The following CARMIL1 variants were observed in gnomAD, a reference collection of about 807,000 sequenced individuals.
CARMIL1 encodes capping protein regulator and myosin 1 linker 1, also known as F-actin-uncapping protein LRRC16A.
CARMIL1 carries 90 observed loss-of-function variants against 177.1 expected under a neutral mutation model. The ratio of observed to expected loss-of-function variants is 0.51; its 90% CI spans 0.43 to 0.61. The LOEUF (loss-of-function observed/expected upper bound fraction) is 0.61. Among genes scored for constraint, CARMIL1 ranks in the 20% least tolerant of loss-of-function variants. CARMIL1 has a pLI of 0.00. For synonymous variants in CARMIL1, 577 were observed against 606.2 expected, an observed-to-expected ratio of 0.95 and a Z score of 0.71; for missense variants, 1,380 against 1,667.0, an observed-to-expected ratio of 0.83 and a Z score of 3.00.
intron 3 of CARMIL1, among the ~76,000 whole-genome samples, chr6:25,424,205 A>C (rs1796101552): frequency 6.6e-6 from 1 of 152,148 alleles, no homozygotes; most frequent in Admixed American, 6.5e-5. Context: ...TAGTTCTTTT[A>C]ACACCTCGAT....
At chr6:25,459,266 CTTTTT>C (rs769702901) in intron 8 of CARMIL1, among the ~76,000 whole-genome samples, 15 of 73,762 alleles carry the variant, frequency 2.0e-4, no homozygotes, top group South Asian at 1.3e-3. Context: ...TTCTTTCTTT[CTTTTT>C]TTTTTTTTTA....
intron 2 of CARMIL1, among the ~76,000 whole-genome samples, chr6:25,287,003 G>A (rs938606354): frequency 2.6e-5 from 4 of 152,152 alleles, no homozygotes; most frequent in African/African-American, 7.2e-5. Context: ...AAGCATGGCC[G>A]GAACTCATTG....
At chr6:25,327,368 C>T (rs534129426) in intron 2 of CARMIL1, among the ~76,000 whole-genome samples, 28 of 152,200 alleles carry the variant, frequency 1.8e-4, no homozygotes, top group African/African-American at 5.8e-4. Context: ...TATGATGAAG[C>T]GGAGATTTGT....
chr6:25,432,445 G>T (rs1048456882), intron 4 of CARMIL1, among the ~76,000 whole-genome samples: 1 of 152,152 alleles, frequency 6.6e-6, no homozygotes, highest in Non-Finnish European at 1.5e-5. Context: ...TTAGCGAAAT[G>T]TGACTTTTAC....
chr6:25,520,467 C>A lies in CARMIL1; in HGVS notation c.1968+130C>A. 1.0e-5 allele frequency: 6 copies of A among 586,092 alleles called. 1 individual carries two copies. The South Asian group carries it at 1.6e-4, about 16-fold the overall frequency. 36.3% of individuals were successfully genotyped at this position (586,092 alleles called of 1,614,324 possible). A position where few individuals can be genotyped will look rare whatever the true frequency, so the allele number is the denominator to read the frequency against. ...ATTTTATTTTATTTTTTCACATTGTCTTATGTTCTTATGACCACAACTGGG... is the reference window on the plus strand; with the variant it reads ...ATTTTATTTTATTTTTTCACATTGTATTATGTTCTTATGACCACAACTGGG... On this transcript the variant is annotated intron_variant, in intron 23 of 36. Transcript: ENST00000329474.
intron 28 of CARMIL1, 43 bp from the exon 29 acceptor site, chr6:25,556,658 C>G: frequency 3.2e-6 from 5 of 1,576,898 alleles, no homozygotes; most frequent in Non-Finnish European, 4.3e-6. Flanking sequence ...CCAGCACTTT[C>G]TCTGTACTTT....
At chr6:25,441,371 GTCTA>G (rs372883848) in intron 5 of CARMIL1, among the ~76,000 whole-genome samples, 5,718 of 122,128 alleles carry the variant, frequency 0.047, 157 homozygotes, top group Middle Eastern at 0.081. Context: ...GTGTGTGTGT[GTCTA>G]TGTGTGTGTG....
intron 2 of CARMIL1, among the ~76,000 whole-genome samples, chr6:25,337,986 C>T (rs777597224): frequency 1.3e-5 from 2 of 152,150 alleles, no homozygotes; most frequent in Non-Finnish European, 2.9e-5. Context: ...TAGGTTTTCC[C>T]TATCTTCCCC....
chr6:25,488,848 G>T, intron 13 of CARMIL1, among the ~76,000 whole-genome samples: 1 of 152,006 alleles, frequency 6.6e-6, no homozygotes, highest in East Asian at 1.9e-4. Context: ...TGCTGTTGAA[G>T]AATTTTTTTC....
chr6:25,337,673 A>G (rs1178809492), intron 2 of CARMIL1, among the ~76,000 whole-genome samples: 2 of 152,230 alleles, frequency 1.3e-5, no homozygotes, highest in Admixed American at 1.3e-4. Context: ...AGGCTCCTCA[A>G]GTGGAGTGAA....
chr6:25,384,537 C>T (rs939327766), intron 2 of CARMIL1, among the ~76,000 whole-genome samples: 1 of 152,216 alleles, frequency 6.6e-6, no homozygotes, highest in African/African-American at 2.4e-5. Context: ...TGCTCTGAGC[C>T]AGTCCCCTCC....
intron 2 of CARMIL1, among the ~76,000 whole-genome samples, chr6:25,295,369 A>G (rs1782301972): frequency 6.6e-6 from 1 of 152,314 alleles, no homozygotes; most frequent in East Asian, 1.9e-4. Context: ...TTATCTAACC[A>G]TGTCCCTTAT....
At chr6:25,457,782 TGA>T (rs1028282197) in intron 8 of CARMIL1, among the ~76,000 whole-genome samples, 21 of 152,344 alleles carry the variant, frequency 1.4e-4, no homozygotes, top group African/African-American at 4.8e-4. Flanking sequence ...ATAAGATTTG[TGA>T]GAGGGAAATC....
At chr6:25,296,586 T>C (rs974980500) in intron 2 of CARMIL1, among the ~76,000 whole-genome samples, 1 of 152,162 alleles carries the variant, frequency 6.6e-6, no homozygotes, top group African/African-American at 2.4e-5. Flanking sequence ...GCAAGGTTCT[T>C]TTAAGGCAAT....
Position 25,586,711 on chromosome 6 carries a change from G to A in CARMIL1, c.3006+5272G>A, listed in dbSNP as rs1465969735. On this transcript the variant is annotated intron_variant, in intron 31 of 36. Transcript: ENST00000329474. ...ACTCCGTCTGCAATCCCGGCACCTC[G>A]GGAGGCCGAGGCGGGCAGATCACTC... Among the ~76,000 whole-genome samples the A allele has an allele frequency of 5.9e-5, 9 of 152,170 alleles. No homozygotes were observed. In the East Asian group the frequency reaches 1.2e-3, roughly 20 times the overall value.
intron 2 of CARMIL1, among the ~76,000 whole-genome samples, chr6:25,330,715 G>A (rs978111096): frequency 2.0e-5 from 3 of 151,280 alleles, no homozygotes; most frequent in African/African-American, 7.3e-5. Flanking sequence ...GACAGATGAG[G>A]ATGGGATCTG....
At position 25,449,977 on chromosome 6, in the gene CARMIL1, G is replaced by A; in HGVS notation, c.451G>A (p.Ala151Thr). Residue 151 changes from alanine (A) to threonine (T), a missense_variant, in exon 6 of 37, where the codon GCT becomes ACT. Ala to Thr is a moderately conservative substitution (Grantham distance 58, BLOSUM62 0). Transcript: ENST00000329474. ...LQALWDSQTV[A>T]EQGPCGGFSQ... The stretch of plus-strand genomic sequence containing the variant: ...GGCGCTGTGGGACAGCCAGACCGTG[G>A]CTGAGCAGGGCCCCTGTGGTGAGCA... 1 of 1,610,750 alleles carries A rather than the reference G, an allele frequency of 6.2e-7. No individual in the cohort carries two copies. Among genetic ancestry groups the A allele is most frequent in the Non-Finnish European group, 8.5e-7 (1 of 1,178,134 alleles).
intron 16 of CARMIL1, among the ~76,000 whole-genome samples, chr6:25,496,205 C>T (rs372661648): frequency 3.3e-5 from 5 of 152,040 alleles, no homozygotes; most frequent in African/African-American, 7.3e-5. Context: ...AGGCTGGGTG[C>T]GGTGGCTCAC....
chr6:25,322,380 C>G lies in CARMIL1; in HGVS notation c.138+37471C>G, dbSNP rs369624583. 1.3e-3 allele frequency among the ~76,000 whole-genome samples: 194 copies of G among 152,356 alleles called. 1 individual carries two copies. The highest frequency in any genetic ancestry group is 0.01 in the Middle Eastern group (3 of 294). On this transcript the variant is annotated intron_variant, in intron 2 of 36. Transcript: ENST00000329474. ...TCAAGTGATCCGCCTGCCTCAGCCT[C>G]CCAAAGTGTTGGGATTACAGGCCTG...
Sources: allele counts gnomAD v4.1 joint callset (sites outside exome capture counted in the v4.1 genomes callset), GRCh38; gene constraint gnomAD v4.1.1; transcripts MANE v1.5; gene names NCBI Gene and HGNC (gene_info 2026-07-23, HGNC 2026-07-21).